IFT74: variants seen among roughly 807,000 people sequenced by gnomAD.
The protein encoded by IFT74 is intraflagellar transport protein 74 homolog.
IFT74 carries 92 observed loss-of-function variants against 96.7 expected under a neutral mutation model. That is an observed-to-expected ratio of 0.95 (90% CI 0.80 to 1.13). IFT74 has a LOEUF of 1.13. IFT74 is among the 50% of genes most tolerant of loss of function. IFT74 has a pLI of 0.00. For missense variants in IFT74, 811 were observed against 698.2 expected, an observed-to-expected ratio of 1.16 and a Z score of -1.82; for synonymous variants, 223 against 213.2, an observed-to-expected ratio of 1.05 and a Z score of -0.40.
At chr9:26,958,730 G>C (rs10967621) in intron 1 of IFT74, among the ~76,000 whole-genome samples, 12,271 of 152,166 alleles carry the variant, frequency 0.081, 1,598 homozygotes, top group East Asian at 0.66. Context: ...TTATTATTTG[G>C]ATATAAACAC....
upstream of IFT74, among the ~76,000 whole-genome samples, chr9:26,954,826 A>G (rs1383487690): frequency 2.0e-5 from 3 of 152,024 alleles, no homozygotes; most frequent in East Asian, 5.8e-4. Context: ...TTACAACTTG[A>G]TATAACCTAA....
At chr9:27,053,998 TACAC>T (rs1820048206) in intron 16 of IFT74, among the ~76,000 whole-genome samples, 1 of 152,228 alleles carries the variant, frequency 6.6e-6, no homozygotes, top group African/African-American at 2.4e-5. Context: ...TACGTGTACA[TACAC>T]ATATATATTT....
At chr9:26,969,851 G>A (rs929165550) in intron 2 of IFT74, among the ~76,000 whole-genome samples, 1 of 151,950 alleles carries the variant, frequency 6.6e-6, no homozygotes, top group Non-Finnish European at 1.5e-5. Context: ...TGGCCTAGTG[G>A]TGACACATTC....
At chr9:27,012,089 A>C in intron 10 of IFT74, 121 bp downstream of exon 10, 1 of 566,086 alleles carries the variant, frequency 1.8e-6, no homozygotes, top group Non-Finnish European at 3.0e-6. Context: ...ATAGGAGTTT[A>C]ATACTTTTTC....
intron 2 of IFT74, among the ~76,000 whole-genome samples, chr9:26,962,548 AT>A (rs1826412054): frequency 6.6e-6 from 1 of 152,248 alleles, no homozygotes; most frequent in African/African-American, 2.4e-5. Context: ...TGTGTTTCAA[AT>A]TAGTTGGCAA....
At chr9:26,996,228 A>T in intron 8 of IFT74, 1 of 852,308 alleles carries the variant, frequency 1.2e-6, no homozygotes, top group Non-Finnish European at 1.7e-6. Context: ...CATTTTTTAT[A>T]CAAATTTAAA....
intron 1 of IFT74, among the ~76,000 whole-genome samples, chr9:26,959,595 G>T (rs559348089): frequency 6.6e-6 from 1 of 152,292 alleles, no homozygotes; most frequent in Non-Finnish European, 1.5e-5. Flanking sequence ...CCACAAAAAA[G>T]ATGGGATCAA....
At chr9:27,039,832 C>G (rs1347142074) in intron 13 of IFT74, among the ~76,000 whole-genome samples, 1 of 152,134 alleles carries the variant, frequency 6.6e-6, no homozygotes, top group Non-Finnish European at 1.5e-5. Context: ...GTACTGAAAC[C>G]AGTCCCCATC....
intron 10 of IFT74, among the ~76,000 whole-genome samples, chr9:27,012,654 C>T (rs1010678400): frequency 7.3e-6 from 1 of 137,308 alleles, no homozygotes; most frequent in Non-Finnish European, 1.6e-5. Context: ...TTTCACAAAA[C>T]AAAATGTGCA....
At chr9:26,947,134 G>T in exon 1 of IFT74, 1 of 1,380,578 alleles carries the variant, frequency 7.2e-7, no homozygotes, top group Non-Finnish European at 9.4e-7. Context: ...CGCGGCGGGA[G>T]AAGAGCCTGC....
chr9:26,996,678 T>G (rs1828176588), intron 8 of IFT74, among the ~76,000 whole-genome samples: 1 of 152,226 alleles, frequency 6.6e-6, no homozygotes, highest in Non-Finnish European at 1.5e-5. Context: ...GTTTATTATT[T>G]TATAAATATG....
chr9:27,062,642 G>A lies in IFT74; in HGVS notation c.1709G>A (p.Ser570Asn). 6.2e-7 allele frequency: 1 copy of A among 1,606,076 alleles called. No individual in the cohort carries two copies. Among genetic ancestry groups the A allele is most frequent in the Non-Finnish European group, 8.5e-7 (1 of 1,174,438 alleles). The change falls in exon 20 of 20, where the codon AGT becomes AAT. Residue 570 changes from serine (S) to asparagine (N), a missense_variant. Ser to Asn is a conservative substitution (Grantham distance 46). Coordinates refer to ENST00000380062, the MANE Select transcript of IFT74 (RefSeq NM_025103.4). ...GTCATAGCAACCAAGAGTCAAGAGA[G>A]TGATTACCAGCCAATTAAGAAAAAT... The part of the protein sequence containing the change: ...KEFIATKSQE[S>N]DYQPIKKNVT...
At position 27,064,200 on chromosome 9, in the gene IFT74, C is replaced by A. The variant is rs1215290340; in HGVS notation, c.*1464C>A. Among the ~76,000 whole-genome samples, 1 of 152,088 alleles carries A rather than the reference C, an allele frequency of 6.6e-6. No individual in the cohort carries two copies. The highest frequency in any genetic ancestry group is 1.9e-4 in the East Asian group (1 of 5,196). ...AAATAGACTTTGTACACCAAATAGA[C>A]TTCATACACTAAAATAATTTCATCT... On this transcript the variant is annotated 3_prime_UTR_variant, in exon 20 of 20. Transcript: ENST00000380062.
At chr9:27,050,024 C>T (rs754289250) in intron 16 of IFT74, among the ~76,000 whole-genome samples, 2 of 152,018 alleles carry the variant, frequency 1.3e-5, no homozygotes, top group African/African-American at 2.4e-5. Context: ...TTTATCTTCA[C>T]GACATTTCAA....
intron 8 of IFT74, among the ~76,000 whole-genome samples, chr9:26,999,871 A>T (rs1246788952): frequency 8.5e-5 from 12 of 140,936 alleles, no homozygotes; most frequent in Non-Finnish European, 1.5e-4. Flanking sequence ...TCCCAGGCTT[A>T]AGCAGTCCTC....
chr9:27,025,340 GGCTA>G (rs1829808309), intron 12 of IFT74, among the ~76,000 whole-genome samples: 1 of 151,288 alleles, frequency 6.6e-6, no homozygotes, highest in African/African-American at 2.4e-5. Flanking sequence ...CAACTTGGGA[GGCTA>G]AGGCAGAAAA....
At chr9:27,019,405 G>A (rs180675256) in intron 12 of IFT74, among the ~76,000 whole-genome samples, 3 of 151,996 alleles carry the variant, frequency 2.0e-5, no homozygotes, top group African/African-American at 7.2e-5. Context: ...CTGTGTGTCA[G>A]GATGCTTTCA....
chr9:27,057,615 T>G (rs1820224731), intron 18 of IFT74, among the ~76,000 whole-genome samples: 1 of 152,158 alleles, frequency 6.6e-6, no homozygotes, highest in African/African-American at 2.4e-5. Context: ...CCCAGCACTT[T>G]GGGAGGCTGA....
intron 11 of IFT74, 126 bp downstream of exon 11, chr9:27,017,176 G>A (rs1829388025): frequency 1.8e-6 from 1 of 568,330 alleles, no homozygotes; most frequent in Non-Finnish European, 2.8e-6. Flanking sequence ...AATAGTTTAT[G>A]TGAAGAAATG....
Sources: allele counts gnomAD v4.1 joint callset (sites outside exome capture counted in the v4.1 genomes callset), GRCh38; gene constraint gnomAD v4.1.1; transcripts MANE v1.5; gene names NCBI Gene and HGNC (gene_info 2026-07-23, HGNC 2026-07-21).